ASTN2: variants seen among roughly 807,000 people sequenced by gnomAD.
ASTN2 encodes astrotactin-2.
ASTN2 carries 54 observed loss-of-function variants against 139.8 expected under a neutral mutation model. The ratio of observed to expected loss-of-function variants is 0.39; its 90% CI spans 0.31 to 0.48. ASTN2 has a LOEUF of 0.48. Among genes scored for constraint, ASTN2 ranks in the 20% least tolerant of loss-of-function variants. The pLI is 0.95. For synonymous variants in ASTN2, 756 were observed against 719.5 expected, an observed-to-expected ratio of 1.05 and a Z score of -0.81; for missense variants, 1,565 against 1,725.1, an observed-to-expected ratio of 0.91 and a Z score of 1.64.
chr9:116,926,664 C>A (rs1834764492), intron 10 of ASTN2, among the ~76,000 whole-genome samples: 1 of 152,144 alleles, frequency 6.6e-6, no homozygotes, highest in Non-Finnish European at 1.5e-5. Context: ...ACCTTATATA[C>A]TTTGCTTCAT....
intron 4 of ASTN2, among the ~76,000 whole-genome samples, chr9:117,124,749 G>A (rs939903171): frequency 1.7e-4 from 25 of 150,378 alleles, no homozygotes; most frequent in African/African-American, 4.9e-4. Flanking sequence ...AGGCTGTAGC[G>A]AGCCACCGTT....
At chr9:116,954,171 T>G (rs1044614874) in intron 10 of ASTN2, among the ~76,000 whole-genome samples, 2 of 152,212 alleles carry the variant, frequency 1.3e-5, no homozygotes, top group Non-Finnish European at 2.9e-5. Context: ...ATAGCATCAT[T>G]ATCCCTATTA....
chr9:117,108,518 G>A (rs749192089), intron 4 of ASTN2, among the ~76,000 whole-genome samples: 5 of 150,206 alleles, frequency 3.3e-5, no homozygotes, highest in Non-Finnish European at 7.5e-5. Context: ...CCTAGAAGTG[G>A]ACATGCACTG....
intron 10 of ASTN2, among the ~76,000 whole-genome samples, chr9:116,884,965 G>A (rs1026018198): frequency 5.3e-5 from 8 of 151,820 alleles, no homozygotes; most frequent in African/African-American, 1.5e-4. Flanking sequence ...ACAGGCGCCC[G>A]CCACTGTGCC....
intron 1 of ASTN2, among the ~76,000 whole-genome samples, chr9:117,355,179 C>T (rs1223583694): frequency 6.6e-6 from 1 of 152,054 alleles, no homozygotes. Flanking sequence ...GAGTCCCTGA[C>T]AGATAGTGAA....
chr9:116,862,526 A>T (rs1165362825), intron 11 of ASTN2, among the ~76,000 whole-genome samples: 9 of 152,200 alleles, frequency 5.9e-5, no homozygotes, highest in Admixed American at 5.9e-4. Context: ...CTCTGGAAAG[A>T]TGTTCACTTG....
chr9:116,920,697 T>C (rs1214795552), intron 10 of ASTN2, among the ~76,000 whole-genome samples: 1 of 152,152 alleles, frequency 6.6e-6, no homozygotes, highest in Non-Finnish European at 1.5e-5. Context: ...TCTAGAACAA[T>C]ACCAGGACCC....
rs779558704 is a variant in ASTN2, at chr9:116,729,060, A to G, written c.2558T>C (p.Met853Thr). 4 of 1,598,722 alleles carry G rather than the reference A, an allele frequency of 2.5e-6. No homozygotes were observed. Among genetic ancestry groups the G allele is most frequent in the East Asian group, 2.3e-5 (1 of 44,406 alleles). ...GCTCCGGACCCGCCACTGCTGCACC[A>G]TGGGGTAACCCATGGCCTCATCATA... ...IRYDEAMGYP[M>T]VQQWRVRSNL... Residue 853 changes from methionine to threonine, a missense_variant, in exon 15 of 23, where the codon ATG becomes ACG. By Grantham distance (81) the Met-to-Thr change is moderately conservative (BLOSUM62 -1). Around this residue, in one of 4 missense-constraint regions of ASTN2, gnomAD observed 503 missense variants for 591.7 expected, o/e 0.85. Transcript: ENST00000313400.
chr9:117,071,331 G>C (rs1032435909), intron 5 of ASTN2, among the ~76,000 whole-genome samples: 130 of 151,966 alleles, frequency 8.6e-4, no homozygotes, highest in Non-Finnish European at 1.6e-3. Context: ...TCGGGGGTCA[G>C]GGGTCAGGGA....
At chr9:116,970,738 TG>T (rs1470671504) in intron 10 of ASTN2, among the ~76,000 whole-genome samples, 3 of 152,232 alleles carry the variant, frequency 2.0e-5, no homozygotes, top group African/African-American at 7.2e-5. Context: ...CATGCCAGCT[TG>T]CACTCTGATA....
intron 2 of ASTN2, among the ~76,000 whole-genome samples, chr9:117,233,212 G>A (rs1482085540): frequency 6.6e-6 from 1 of 152,180 alleles, no homozygotes; most frequent in African/African-American, 2.4e-5. Context: ...AGGAGGCCCT[G>A]CTTCCAATTC....
intron 20 of ASTN2, among the ~76,000 whole-genome samples, chr9:116,463,058 C>T (rs1449299037): frequency 6.6e-6 from 1 of 151,972 alleles, no homozygotes; most frequent in Admixed American, 6.6e-5. Context: ...ATCCCCAACC[C>T]TTCCCTCTGT....
chr9:116,671,908 T>C (rs747601390), intron 16 of ASTN2, among the ~76,000 whole-genome samples: 54 of 152,288 alleles, frequency 3.5e-4, no homozygotes, highest in Admixed American at 5.9e-4. Context: ...ATTGCAGTTT[T>C]GTAAGACACT....
intron 1 of ASTN2, among the ~76,000 whole-genome samples, chr9:117,370,286 A>T (rs1185910879): frequency 3.3e-5 from 5 of 152,130 alleles, no homozygotes. Context: ...AACAACAAAA[A>T]ACAAAAGCAA....
At chr9:117,263,136 G>A (rs1472800339) in intron 2 of ASTN2, among the ~76,000 whole-genome samples, 1 of 152,130 alleles carries the variant, frequency 6.6e-6, no homozygotes, top group Admixed American at 6.6e-5. Flanking sequence ...ATGGACACAT[G>A]AGCAAATTAT....
At chr9:116,789,677 A>G (rs1830479214) in intron 13 of ASTN2, among the ~76,000 whole-genome samples, 1 of 152,184 alleles carries the variant, frequency 6.6e-6, no homozygotes, top group Non-Finnish European at 1.5e-5. Flanking sequence ...TTCTTGATAC[A>G]CATGTGTGGG....
intron 4 of ASTN2, among the ~76,000 whole-genome samples, chr9:117,131,467 C>T (rs1829825886): frequency 6.6e-6 from 1 of 152,112 alleles, no homozygotes; most frequent in African/African-American, 2.4e-5. Flanking sequence ...TTTGAAATGG[C>T]CTTGCAAAAC....
intron 17 of ASTN2, among the ~76,000 whole-genome samples, chr9:116,639,499 T>C (rs1777734164): frequency 6.6e-6 from 1 of 152,192 alleles, no homozygotes; most frequent in South Asian, 2.1e-4. Context: ...TGTTTGTGAA[T>C]TCTCTCCAGG....
At chr9:116,738,574 T>C (rs1165331494) in intron 13 of ASTN2, among the ~76,000 whole-genome samples, 3 of 151,964 alleles carry the variant, frequency 2.0e-5, no homozygotes, top group African/African-American at 7.2e-5. Context: ...AACTTATCTA[T>C]CTAATCAAAA....
Sources: gnomAD v4.1 joint callset for allele counts (sites outside exome capture counted in the v4.1 genomes callset) on GRCh38, gnomAD v4.1.1 for gene constraint, gnomAD v4.1.1 regional missense constraint, MANE v1.5 for transcripts, NCBI Gene and HGNC (gene_info 2026-07-23, HGNC 2026-07-21) for gene names.